Variants in MARCHF1 observed in about 807,000 individuals in gnomAD.
The protein encoded by MARCHF1 is E3 ubiquitin-protein ligase MARCHF1.
MARCHF1 carries 40 observed loss-of-function variants against 54.2 expected under a neutral mutation model. The observed-to-expected ratio is 0.74, with a 90% CI of 0.57 to 0.96. The LOEUF is 0.96. Ranked by LOEUF, MARCHF1 falls within the 40% of genes least tolerant of loss-of-function variation. The pLI is 0.00. For synonymous variants in MARCHF1, 236 were observed against 236.3 expected, an observed-to-expected ratio of 1.00 and a Z score of 0.01; for missense variants, 586 against 656.5, an observed-to-expected ratio of 0.89 and a Z score of 1.17.
intron 5 of MARCHF1, among the ~76,000 whole-genome samples, chr4:163,661,305 G>A (rs1511776): frequency 0.23 from 34,211 of 151,724 alleles, 5,022 homozygotes; most frequent in Non-Finnish European, 0.34. Context: ...CTCCACACTC[G>A]AATACATCAG....
intron 1 of MARCHF1, among the ~76,000 whole-genome samples, chr4:164,150,276 G>C (rs1729894784): frequency 6.6e-6 from 1 of 152,124 alleles, no homozygotes; most frequent in African/African-American, 2.4e-5. Context: ...AACTTTGGGA[G>C]TGCTCAAGTG....
chr4:163,926,480 C>G (rs1186755888), intron 3 of MARCHF1, among the ~76,000 whole-genome samples: 1 of 151,360 alleles, frequency 6.6e-6, no homozygotes, highest in Admixed American at 6.6e-5. Flanking sequence ...AACATATACT[C>G]TTAACTGTTG....
rs201055888 is a variant in MARCHF1 at position 163,686,312 on chromosome 4, G to T, written c.162+14501C>A. Among the ~76,000 whole-genome samples the T allele has an allele frequency of 9.9e-5, 15 of 151,654 alleles. No individual in the cohort carries two copies. In the East Asian group the frequency reaches 2.9e-3, roughly 30 times the overall value. On this transcript the variant is annotated intron_variant, in intron 5 of 9. Coordinates refer to ENST00000514618, the MANE Select transcript of MARCHF1 (RefSeq NM_001394959.1). ...GCAAACAAAGCTTCTTGTTATACTTGGGCAGAAAAAGGTCTATCTACAAAT... is the reference window on the plus strand; with the variant it reads ...GCAAACAAAGCTTCTTGTTATACTTTGGCAGAAAAAGGTCTATCTACAAAT...
chr4:164,022,064 G>A (rs1753678237), intron 2 of MARCHF1, among the ~76,000 whole-genome samples: 1 of 151,782 alleles, frequency 6.6e-6, no homozygotes, highest in African/African-American at 2.4e-5. Flanking sequence ...TGCAATTTTT[G>A]TTATATATTT....
chr4:164,294,875 T>C lies in MARCHF1; in HGVS notation c.-323+88995A>G, dbSNP rs1185760617. 3.9e-5 allele frequency among the ~76,000 whole-genome samples: 6 copies of C among 152,180 alleles called. No homozygotes were observed. The East Asian group carries it at 1.2e-3, about 29-fold the overall frequency. On this transcript the variant is annotated intron_variant, in intron 1 of 9. Coordinates refer to ENST00000514618, the MANE Select transcript of MARCHF1 (RefSeq NM_001394959.1). The stretch of plus-strand genomic sequence containing the variant: ...TCTTAAATATACCCTATTGTGACCA[T>C]ACAGAGGACACTAAACCTCAGTCTA...
chr4:163,746,078 G>A (rs1746352173), intron 4 of MARCHF1, among the ~76,000 whole-genome samples: 1 of 152,120 alleles, frequency 6.6e-6, no homozygotes, highest in Admixed American at 6.5e-5. Context: ...TATGGGTTTG[G>A]ACAAATGTAT....
At chr4:163,643,264 G>A (rs1490614302) in intron 5 of MARCHF1, among the ~76,000 whole-genome samples, 1 of 151,588 alleles carries the variant, frequency 6.6e-6, no homozygotes, top group Non-Finnish European at 1.5e-5. Context: ...GGAGGCGGAG[G>A]TTGCAGTGAG....
intron 4 of MARCHF1, among the ~76,000 whole-genome samples, chr4:163,783,090 A>G (rs1747516148): frequency 1.3e-5 from 2 of 152,370 alleles, no homozygotes; most frequent in Admixed American, 6.5e-5. Context: ...TGATAAAAAC[A>G]TTAACAAAAT....
At chr4:163,640,609 T>C (rs2111031637) in intron 5 of MARCHF1, among the ~76,000 whole-genome samples, 1 of 152,246 alleles carries the variant, frequency 6.6e-6, no homozygotes, top group East Asian at 1.9e-4. Context: ...TATCCAATCA[T>C]ATTTCTACCA....
intron 1 of MARCHF1, among the ~76,000 whole-genome samples, chr4:164,347,989 C>T (rs932521164): frequency 2.0e-5 from 3 of 152,032 alleles, no homozygotes; most frequent in African/African-American, 7.2e-5. Flanking sequence ...TCCTATCAGA[C>T]TTTAAAAATT....
intron 1 of MARCHF1, chr4:164,329,894 T>C (rs957210978): frequency 2.0e-5 from 3 of 152,146 alleles, no homozygotes; most frequent in East Asian, 1.9e-4. Flanking sequence ...CCTCCAACAA[T>C]AGGGATTACA....
At chr4:164,013,735 T>G (rs1753476482) in intron 2 of MARCHF1, among the ~76,000 whole-genome samples, 1 of 91,286 alleles carries the variant, frequency 1.1e-5, no homozygotes, top group Admixed American at 1.0e-4. Context: ...GTCAAAGTGC[T>G]GATGGAAAAA....
chr4:164,180,053 C>T (rs192449504), intron 1 of MARCHF1, among the ~76,000 whole-genome samples: 2 of 151,158 alleles, frequency 1.3e-5, no homozygotes, highest in African/African-American at 4.9e-5. Context: ...TTTGCAAATG[C>T]TGATTTTCTT....
chr4:164,111,057 G>A (rs953795112), intron 2 of MARCHF1, among the ~76,000 whole-genome samples: 1 of 151,754 alleles, frequency 6.6e-6, no homozygotes, highest in Non-Finnish European at 1.5e-5. Flanking sequence ...ATCATATAGA[G>A]CAAAATAAAT....
chr4:163,702,410 T>A (rs1744835979), intron 4 of MARCHF1, among the ~76,000 whole-genome samples: 1 of 152,112 alleles, frequency 6.6e-6, no homozygotes, highest in Admixed American at 6.6e-5. Context: ...TAGGACAGAG[T>A]CACATAATAT....
At chr4:164,036,102 CA>C (rs34183134) in intron 2 of MARCHF1, among the ~76,000 whole-genome samples, 2,483 of 82,826 alleles carry the variant, frequency 0.03, 13 homozygotes, top group African/African-American at 0.044. Flanking sequence ...GATTCTGTCT[CA>C]AAAAAAAAAA....
intron 1 of MARCHF1, among the ~76,000 whole-genome samples, chr4:164,348,909 G>C (rs1730197807): frequency 1.3e-5 from 2 of 152,132 alleles, no homozygotes; most frequent in Non-Finnish European, 2.9e-5. Flanking sequence ...CCCTGATTTA[G>C]AGTGTCTCAT....
chr4:164,257,454 G>C (rs867705347), intron 1 of MARCHF1, among the ~76,000 whole-genome samples: 81 of 150,778 alleles, frequency 5.4e-4, no homozygotes, highest in African/African-American at 1.9e-3. Context: ...ATGATAAATC[G>C]TCAGTTTTGT....
chr4:164,249,241 GA>G (rs1733052078), intron 1 of MARCHF1, among the ~76,000 whole-genome samples: 1 of 152,072 alleles, frequency 6.6e-6, no homozygotes, highest in Admixed American at 6.6e-5. Context: ...AGTGAAGCGT[GA>G]AGTTGGGTGA....
Sources: gnomAD v4.1 joint callset for allele counts (sites outside exome capture counted in the v4.1 genomes callset) on GRCh38, gnomAD v4.1.1 for gene constraint, MANE v1.5 for transcripts, NCBI Gene and HGNC (gene_info 2026-07-23, HGNC 2026-07-21) for gene names.